Variants in RHOH observed in about 807,000 individuals in gnomAD.
RHOH encodes the protein ras homolog family member H, also known as rho-related GTP-binding protein RhoH.
In RHOH, 6 loss-of-function variants were observed where a neutral mutation model predicts 13.8. The observed-to-expected ratio is 0.44, with a 90% CI of 0.24 to 0.86. RHOH has a LOEUF of 0.86. RHOH is among the 40% of genes least tolerant of loss of function. The probability of loss-of-function intolerance (pLI) is 0.24; values close to 1 mark genes in which losing one functional copy is unlikely to be tolerated. For missense variants in RHOH, 147 were observed against 244.5 expected (o/e 0.60, Z 2.66); for synonymous variants, 117 against 103.0 (o/e 1.14, Z -0.82).
chr4:40,198,452 A>T (rs147378869), intron 1 of RHOH, among the ~76,000 whole-genome samples: 1,931 of 152,370 alleles, frequency 0.013, 17 homozygotes, highest in Non-Finnish European at 0.019. Flanking sequence ...AAGTGACCCC[A>T]TTCAATAGTC....
chr4:40,233,489 T>C (rs951534757), intron 1 of RHOH, among the ~76,000 whole-genome samples: 2 of 152,152 alleles, frequency 1.3e-5, no homozygotes, highest in African/African-American at 4.8e-5. Flanking sequence ...GTGGCAGACA[T>C]TGGAGCCAAA....
upstream of RHOH, among the ~76,000 whole-genome samples, chr4:40,195,350 TTCTTTTCCTTCC>T (rs1277504286): frequency 2.3e-4 from 33 of 143,546 alleles, no homozygotes; most frequent in African/African-American, 8.3e-4. Context: ...TTTCCTTTCT[TTCTTTTCCTTCC>T]TTCCTTCCTT....
upstream of RHOH, among the ~76,000 whole-genome samples, chr4:40,194,107 T>C (rs1722889827): frequency 6.6e-6 from 1 of 152,240 alleles, no homozygotes; most frequent in Admixed American, 6.5e-5. Flanking sequence ...CTGGATCTCC[T>C]GTTGGAGGGG....
chr4:40,198,095 A>G lies in RHOH; in HGVS notation c.-331+795A>G, dbSNP rs149647601. On this transcript the variant is annotated intron_variant, in intron 1 of 2. Coordinates refer to ENST00000381799, the MANE Select transcript of RHOH (RefSeq NM_004310.5). ...TAATCTGGTAGTTGTGATAAGAAGT[A>G]AAATTTAGGAAGCAATGCAAGATGA... 1.4e-3 allele frequency among the ~76,000 whole-genome samples: 216 copies of G among 152,346 alleles called. 1 individual carries two copies. The highest frequency in any genetic ancestry group is 5.0e-3 in the African/African-American group (209 of 41,572).
At position 40,242,814 on chromosome 4, in the gene RHOH, A is replaced by C. The variant is rs537386498; in HGVS notation, c.-230A>C. 1 of 152,526 alleles carries C rather than the reference A, an allele frequency of 6.6e-6. No homozygotes were observed. Among genetic ancestry groups the C allele is most frequent in the African/African-American group, 2.4e-5 (1 of 41,558 alleles). 9.4% of individuals were successfully genotyped at this position (152,526 alleles called of 1,614,324 possible). Reference sequence around the variant, plus strand: ...AGAAGCCGACAGAGAGCTGTTTGGAAACTTCTCCTTCACACACCAGGTTGC... The same window carrying C: ...AGAAGCCGACAGAGAGCTGTTTGGACACTTCTCCTTCACACACCAGGTTGC... On this transcript the variant is annotated 5_prime_UTR_variant, in exon 2 of 3. Transcript: ENST00000381799.
chr4:40,215,160 G>A (rs995449371), intron 1 of RHOH, among the ~76,000 whole-genome samples: 23 of 152,182 alleles, frequency 1.5e-4, no homozygotes, highest in Admixed American at 1.4e-3. Context: ...CATATGTCCA[G>A]CGAGGTTCCT....
intron 1 of RHOH, among the ~76,000 whole-genome samples, chr4:40,223,778 T>G (rs947800772): frequency 1.8e-4 from 26 of 143,612 alleles, no homozygotes; most frequent in Admixed American, 1.6e-3. Flanking sequence ...TTTTTTTTTT[T>G]TTTTTTTTTT....
intron 1 of RHOH, among the ~76,000 whole-genome samples, chr4:40,221,439 T>C (rs1726563423): frequency 6.6e-6 from 1 of 152,208 alleles, no homozygotes; most frequent in Non-Finnish European, 1.5e-5. Flanking sequence ...CCCAACAGCG[T>C]ATGCTCACTT....
At chr4:40,231,318 A>ATTTTTTTTTTTTTTTTTTTTT (rs3071888) in intron 1 of RHOH, among the ~76,000 whole-genome samples, 1 of 127,760 alleles carries the variant, frequency 7.8e-6, no homozygotes, top group Non-Finnish European at 1.6e-5. Flanking sequence ...TTCTTAGGTG[A>ATTTTTTTTTTTTTTTTTTTTT]TTTTTTTTTT....
upstream of RHOH, among the ~76,000 whole-genome samples, chr4:40,194,409 A>G (rs2109329746): frequency 6.6e-6 from 1 of 152,100 alleles, no homozygotes; most frequent in South Asian, 2.1e-4. Context: ...TTGTATTTTT[A>G]GAAGAGACGG....
At chr4:40,206,653 T>C (rs994612531) in intron 1 of RHOH, among the ~76,000 whole-genome samples, 1 of 152,050 alleles carries the variant, frequency 6.6e-6, no homozygotes, top group Non-Finnish European at 1.5e-5. Context: ...GGAGAGAGGG[T>C]TGGAGGCACG....
intron 1 of RHOH, among the ~76,000 whole-genome samples, chr4:40,242,282 T>C (rs1729348389): frequency 6.6e-6 from 1 of 152,250 alleles, no homozygotes; most frequent in Non-Finnish European, 1.5e-5. Flanking sequence ...CTGAATATGG[T>C]TGCTTTCAAG....
At position 40,243,526 on chromosome 4, in the gene RHOH, T is replaced by C; in HGVS notation, c.140T>C (p.Met47Thr). 6.2e-7 allele frequency: 1 copy of C among 1,613,896 alleles called. No homozygotes were observed. Among genetic ancestry groups the C allele is most frequent in the Non-Finnish European group, 8.5e-7 (1 of 1,180,002 alleles). The change falls in exon 3 of 3, where the codon ATG (methionine) becomes ACG (threonine). Residue 47 changes from methionine (M) to threonine (T), a missense_variant. This residue lies in a region of RHOH where 80 missense variants were observed against 152.0 expected (regional missense o/e 0.53). Coordinates refer to ENST00000381799, the MANE Select transcript of RHOH (RefSeq NM_004310.5). This position sits in a 1 kb window ranked among gnomAD's most constrained non-coding sequence, Gnocchi z 6.2. Reference sequence around the variant, plus strand: ...GAGAACACAGGGGTGGACGTCTTCATGGATGGCATCCAGATCAGCCTGGGC... The same window carrying C: ...GAGAACACAGGGGTGGACGTCTTCACGGATGGCATCCAGATCAGCCTGGGC... ...VYENTGVDVF[M>T]DGIQISLGLW...
chr4:40,220,410 A>T (rs908521253), intron 1 of RHOH, among the ~76,000 whole-genome samples: 1 of 152,072 alleles, frequency 6.6e-6, no homozygotes, highest in Admixed American at 6.6e-5. Flanking sequence ...GAGTGAGGTC[A>T]TTTATACGCA....
intron 1 of RHOH, among the ~76,000 whole-genome samples, chr4:40,208,385 G>A (rs1724891375): frequency 6.6e-6 from 1 of 152,150 alleles, no homozygotes; most frequent in African/African-American, 2.4e-5. Context: ...AATGTAAAAT[G>A]CAGAATAAAT....
intron 1 of RHOH, among the ~76,000 whole-genome samples, chr4:40,227,403 A>G (rs558533268): frequency 2.7e-4 from 40 of 149,498 alleles, no homozygotes; most frequent in African/African-American, 9.6e-4. Flanking sequence ...GTGTAGATGG[A>G]AAGTGTGCTG....
intron 1 of RHOH, chr4:40,235,371 C>T (rs1295310127): frequency 2.4e-5 from 3 of 126,868 alleles, no homozygotes; most frequent in African/African-American, 9.9e-5. Flanking sequence ...GGGTGGATCA[C>T]CTGAGGTCAG....
chr4:40,192,234 T>TCAAAGC (rs796796828), upstream of RHOH, among the ~76,000 whole-genome samples: 6 of 152,324 alleles, frequency 3.9e-5, no homozygotes, highest in African/African-American at 1.4e-4. Context: ...AGTTTGAAAT[T>TCAAAGC]CAAAGCCTTC....
intron 1 of RHOH, among the ~76,000 whole-genome samples, chr4:40,233,878 A>C (rs940314211): frequency 6.6e-6 from 1 of 151,948 alleles, no homozygotes; most frequent in Non-Finnish European, 1.5e-5. Context: ...GTGAGCCGGG[A>C]TCATGCCACT....
Sources: gnomAD v4.1 joint callset for allele counts (sites outside exome capture counted in the v4.1 genomes callset) on GRCh38, gnomAD v4.1.1 for gene constraint, gnomAD v4.1.1 regional missense constraint, Gnocchi (gnomAD v3.1) non-coding constraint, MANE v1.5 for transcripts, NCBI Gene and HGNC (gene_info 2026-07-23, HGNC 2026-07-21) for gene names.